Variants in SNORC observed in about 807,000 individuals in gnomAD.
SNORC encodes the protein secondary ossification center associated regulator of chondrocyte maturation.
Under a neutral mutation model 9.7 loss-of-function variants are expected in SNORC, and 11 were observed. That is an observed-to-expected ratio of 1.14 (90% CI 0.72 to 1.88). The LOEUF (loss-of-function observed/expected upper bound fraction) is 1.88, where lower values mean the gene tolerates loss of function less well. Ranked by LOEUF, SNORC falls within the 40% of genes most tolerant of loss-of-function variation. The pLI, the probability that SNORC is intolerant of heterozygous loss-of-function variation, is 0.00. For synonymous variants in SNORC, 108 were observed against 88.7 expected, an observed-to-expected ratio of 1.22 and a Z score of -1.22; for missense variants, 197 against 173.1, an observed-to-expected ratio of 1.14 and a Z score of -0.77.
upstream of SNORC, among the ~76,000 whole-genome samples, chr2:232,867,175 A>G (rs1327843372): frequency 1.3e-5 from 2 of 152,240 alleles, no homozygotes; most frequent in African/African-American, 2.4e-5. Flanking sequence ...TTTCTAAAAA[A>G]TAGCTTCACA....
At chr2:232,876,416 G>A (rs1691246317), downstream of SNORC, 5 of 1,465,740 alleles carry the variant, frequency 3.4e-6, no homozygotes, top group East Asian at 2.9e-5. This position sits in a 1 kb window ranked among gnomAD's most constrained non-coding sequence, Gnocchi z 6.8. Context: ...TCACGCGCCT[G>A]TATGTCCGCG....
exon 2 of SNORC, chr2:232,875,971 G>A (rs1052315700): frequency 1.9e-6 from 3 of 1,553,928 alleles, no homozygotes; most frequent in African/African-American, 2.7e-5. Flanking sequence ...TGCCCACGCT[G>A]TGGAACGAGC....
rs761464370 is a variant in SNORC at position 232,876,082 on chromosome 2, C to G, written c.216C>G (p.Pro72=). Residue 72 remains proline, a synonymous_variant, in exon 2 of 3, where the codon CCC becomes CCG. Coordinates refer to ENST00000331342, the Ensembl canonical transcript of SNORC. The surrounding 1 kb of genome is among the most constrained non-coding windows in gnomAD (Gnocchi z 6.8). ...CAGCCCCCACCGTCGCGCCAGGACC[C>G]GAGGACAGCACCGCGCAGGAGCGGC... 2.0e-6 allele frequency: 3 copies of G among 1,530,904 alleles called. No homozygotes were observed. Among genetic ancestry groups the G allele is most frequent in the Non-Finnish European group, 2.6e-6 (3 of 1,144,490 alleles). The allele number at this position is 1,530,904 out of a possible 1,614,324, so 94.8% of individuals were successfully genotyped here. A position where few individuals can be genotyped will look rare whatever the true frequency, so the allele number is the denominator to read the frequency against.
At chr2:232,878,697 CTTCT>C (rs1056372658), downstream of SNORC, 2 of 152,602 alleles carry the variant, frequency 1.3e-5, no homozygotes, top group African/African-American at 4.8e-5. Flanking sequence ...AGACCTTCAT[CTTCT>C]TTATTTTATA....
chr2:232,874,755 G>A (rs998988558), intron 1 of SNORC, among the ~76,000 whole-genome samples: 4 of 152,226 alleles, frequency 2.6e-5, no homozygotes, highest in Admixed American at 6.5e-5. Flanking sequence ...CCCTAGGGTC[G>A]CCGGCTGGCC....
intron 1 of SNORC, among the ~76,000 whole-genome samples, chr2:232,873,431 G>A (rs895115751): frequency 3.9e-5 from 6 of 152,096 alleles, no homozygotes; most frequent in Non-Finnish European, 7.4e-5. Context: ...ACCGTCAAGG[G>A]TGGCAGCTCA....
intron 1 of SNORC, chr2:232,875,677 C>A: frequency 1.8e-6 from 1 of 554,998 alleles, no homozygotes; most frequent in Non-Finnish European, 3.2e-6. Context: ...ACTCCCAACC[C>A]TATAAGCAGA....
intron 1 of SNORC, among the ~76,000 whole-genome samples, chr2:232,874,522 G>T (rs1691145167): frequency 1.3e-5 from 2 of 152,266 alleles, no homozygotes; most frequent in South Asian, 4.1e-4. Flanking sequence ...TTTGACATTT[G>T]GGAAGGCCCA....
At chr2:232,878,537 G>A (rs1473693975), downstream of SNORC, 1 of 152,412 alleles carries the variant, frequency 6.6e-6, no homozygotes, top group Non-Finnish European at 1.5e-5. Flanking sequence ...CCCATGTTGA[G>A]GCAAGGCCCT....
downstream of SNORC, chr2:232,877,115 G>A: frequency 1.0e-6 from 1 of 985,988 alleles, no homozygotes; most frequent in South Asian, 4.7e-5. Flanking sequence ...GCCCCCCTCT[G>A]CCCAGGGAGC....
intron 1 of SNORC, among the ~76,000 whole-genome samples, chr2:232,872,174 C>CT (rs1201868076): frequency 1.3e-5 from 2 of 152,144 alleles, no homozygotes; most frequent in Non-Finnish European, 2.9e-5. Context: ...GTACACGGCC[C>CT]TGGGCTCTGT....
At chr2:232,872,464 TG>T (rs1164277833) in intron 1 of SNORC, among the ~76,000 whole-genome samples, 7 of 152,206 alleles carry the variant, frequency 4.6e-5, no homozygotes, top group African/African-American at 1.7e-4. Flanking sequence ...CCAGTGGGGC[TG>T]GGAGAGAGCC....
chr2:232,876,826 C>T (rs1406769886), downstream of SNORC: 1 of 985,542 alleles, frequency 1.0e-6, no homozygotes. This position sits in a 1 kb window ranked among gnomAD's most constrained non-coding sequence, Gnocchi z 6.8. Context: ...CTCCCGGCGC[C>T]GCCTCCTCTG....
At chr2:232,877,241 C>T (rs1389179230), downstream of SNORC, 4 of 985,390 alleles carry the variant, frequency 4.1e-6, no homozygotes, top group African/African-American at 5.2e-5. Flanking sequence ...TTGGTTTGTT[C>T]AGGGAGAGAA....
intron 1 of SNORC, among the ~76,000 whole-genome samples, chr2:232,874,758 G>C (rs141581367): frequency 6.6e-6 from 1 of 152,240 alleles, no homozygotes; most frequent in Non-Finnish European, 1.5e-5. Context: ...TAGGGTCGCC[G>C]GCTGGCCGGC....
chr2:232,870,655 G>A (rs962707818), intron 1 of SNORC, among the ~76,000 whole-genome samples: 1 of 152,148 alleles, frequency 6.6e-6, no homozygotes, highest in South Asian at 2.1e-4. Flanking sequence ...GGACAACTTG[G>A]GGGGCAGGCC....
chr2:232,875,997 C>T, exon 2 of SNORC: 3 of 1,554,184 alleles, frequency 1.9e-6, no homozygotes, highest in African/African-American at 1.4e-5. Context: ...GAGCTGCCGT[C>T]GGGAGAAGGC....
Position 232,876,286 on chromosome 2 carries a change from C to A in SNORC, c.296C>A (p.Ala99Asp). ...GGCGCTATCGCGGCCATCGTGATCG[C>A]CGCCCTGCTGGCCACCTGCGTGGTG... Residue 99 changes from alanine (A) to aspartate (D), a missense_variant, in exon 3 of 3, where the codon GCC becomes GAC. Transcript: ENST00000331342. This position sits in a 1 kb window ranked among gnomAD's most constrained non-coding sequence, Gnocchi z 6.8. The A allele has an allele frequency of 6.5e-7, 1 of 1,535,464 alleles. No individual in the cohort carries two copies.
downstream of SNORC, chr2:232,876,981 C>A: frequency 7.1e-6 from 7 of 985,592 alleles, no homozygotes; most frequent in South Asian, 2.8e-4. This position sits in a 1 kb window ranked among gnomAD's most constrained non-coding sequence, Gnocchi z 6.8. Flanking sequence ...CTCCTTGAGG[C>A]CGGGGTTGGG....
Sources: allele counts gnomAD v4.1 joint callset (sites outside exome capture counted in the v4.1 genomes callset), GRCh38; gene constraint gnomAD v4.1.1; non-coding constraint Gnocchi (gnomAD v3.1); transcripts MANE v1.5; gene names NCBI Gene and HGNC (gene_info 2026-07-23, HGNC 2026-07-21).